Variants in SNU13 observed in about 807,000 individuals in gnomAD.
SNU13 encodes the protein small nuclear ribonucleoprotein 13.
A neutral mutation model predicts 12.4 loss-of-function variants in SNU13; 2 were observed. The observed-to-expected ratio is 0.16, with a 90% CI of 0.07 to 0.51. The LOEUF (loss-of-function observed/expected upper bound fraction) is 0.51, where lower values mean the gene tolerates loss of function less well. Ranked by LOEUF, SNU13 falls within the 20% of genes least tolerant of loss-of-function variation. The pLI is 0.96. For missense variants in SNU13, 66 were observed against 157.8 expected, an observed-to-expected ratio of 0.42 and a Z score of 3.12; for synonymous variants, 68 against 66.5, an observed-to-expected ratio of 1.02 and a Z score of -0.11.
intron 2 of SNU13, among the ~76,000 whole-genome samples, chr22:41,678,186 A>G (rs2068231132): frequency 6.6e-6 from 1 of 151,940 alleles, no homozygotes; most frequent in Non-Finnish European, 1.5e-5. Flanking sequence ...CGTGTTAGCC[A>G]GGATGGTCTC....
chr22:41,676,354 G>A (rs532954834), intron 2 of SNU13, among the ~76,000 whole-genome samples: 32 of 152,014 alleles, frequency 2.1e-4, no homozygotes, highest in African/African-American at 7.2e-4. Flanking sequence ...TACTTGAGAA[G>A]GGCACACACT....
In SNU13 at chr22:41,674,719, A is replaced by G. The variant is rs2068195594; in HGVS notation, c.*214T>C. On this transcript the variant is annotated 3_prime_UTR_variant, in exon 3 of 3. Coordinates refer to ENST00000401959, the MANE Select transcript of SNU13 (RefSeq NM_001003796.2). ...ACACTTGTTCCAAAAAGGGAGGATA[A>G]AAGGATGAAGGATGGCAGAGGGAGG... 1.6e-6 allele frequency: 1 copy of G among 620,492 alleles called. No homozygotes were observed. The highest frequency in any genetic ancestry group is 2.7e-6 in the Non-Finnish European group (1 of 370,278). 38.4% of individuals were successfully genotyped at this position (620,492 alleles called of 1,614,324 possible).
At chr22:41,676,787 T>C (rs1272090585) in intron 2 of SNU13, among the ~76,000 whole-genome samples, 3 of 152,176 alleles carry the variant, frequency 2.0e-5, no homozygotes, top group Non-Finnish European at 4.4e-5. Flanking sequence ...TTGCTTTGCT[T>C]TTCCCCTTTC....
chr22:41,680,167 C>T, intron 2 of SNU13, 77 bp downstream of exon 2: 1 of 1,485,840 alleles, frequency 6.7e-7, no homozygotes, highest in African/African-American at 1.4e-5. Flanking sequence ...TCCTCCCAAA[C>T]TGGAAATCAG....
In SNU13 at chr22:41,688,776, G is replaced by T; in HGVS notation, c.3+18C>A. 6.3e-7 allele frequency: 1 copy of T among 1,598,776 alleles called. No individual in the cohort carries two copies. The highest frequency in any genetic ancestry group is 8.6e-7 in the Non-Finnish European group (1 of 1,168,652). On this transcript the variant is annotated intron_variant, in intron 1 of 2. Transcript: ENST00000401959. ...GAGTCTCCCGCTTCCCGGTCCCTCG[G>T]CCGGCGCACGCACTCACCATGGCTG...
chr22:41,688,703 G>A, intron 1 of SNU13, 91 bp downstream of exon 1: 1 of 1,492,438 alleles, frequency 6.7e-7, no homozygotes, highest in Non-Finnish European at 9.1e-7. Flanking sequence ...ATGAGACGGC[G>A]CAGGCTCTAA....
chr22:41,686,446 AG>A (rs2147141603), intron 1 of SNU13, among the ~76,000 whole-genome samples: 1 of 151,720 alleles, frequency 6.6e-6, no homozygotes, highest in South Asian at 2.1e-4. Flanking sequence ...CTGGGACTAC[AG>A]GCATGCACCA....
chr22:41,674,792 C>T lies in SNU13; in HGVS notation c.*141G>A. ...ACCCTGTAAAACAGAACAAAAACAA[C>T]ACAAAAATCCAGAAACCAGATTTAG... On this transcript the variant is annotated 3_prime_UTR_variant, in exon 3 of 3. Transcript: ENST00000401959. 1.7e-6 allele frequency: 2 copies of T among 1,201,944 alleles called. No individual in the cohort carries two copies. The highest frequency in any genetic ancestry group is 2.3e-6 in the Non-Finnish European group (2 of 869,350). The allele number at this position is 1,201,944 out of a possible 1,614,324, so 74.5% of individuals were successfully genotyped here.
chr22:41,685,168 A>AAG (rs1170956747), intron 1 of SNU13, among the ~76,000 whole-genome samples: 3 of 151,018 alleles, frequency 2.0e-5, no homozygotes, highest in Admixed American at 6.6e-5. Context: ...AAAAAAAAAA[A>AAG]AAAGAATTAC....
Position 41,674,120 on chromosome 22 carries a change from T to A in SNU13, c.*813A>T. On this transcript the variant is annotated 3_prime_UTR_variant, in exon 3 of 3. Transcript: ENST00000401959. ...CATTCACCAGAGACAGGCTGTTTCCTTGGACTCCACCATCTCTGTTACAGC... is the reference window on the plus strand; with the variant it reads ...CATTCACCAGAGACAGGCTGTTTCCATGGACTCCACCATCTCTGTTACAGC... 6.6e-6 allele frequency: 1 copy of A among 152,452 alleles called. No individual in the cohort carries two copies. The highest frequency in any genetic ancestry group is 1.5e-5 in the Non-Finnish European group (1 of 68,074). 9.4% of individuals were successfully genotyped at this position (152,452 alleles called of 1,614,324 possible).
chr22:41,688,962 C>A, upstream of SNU13: 1 of 1,357,338 alleles, frequency 7.4e-7, no homozygotes, highest in Non-Finnish European at 9.6e-7. Flanking sequence ...TCTACGGGGG[C>A]ACTGGCGCGG....
At chr22:41,675,447 G>C (rs1271268881) in intron 2 of SNU13, among the ~76,000 whole-genome samples, 1 of 151,482 alleles carries the variant, frequency 6.6e-6, no homozygotes, top group Non-Finnish European at 1.5e-5. Flanking sequence ...TTTTGAGATG[G>C]AGTCTTGCTC....
At chr22:41,682,227 C>T (rs994701846) in intron 1 of SNU13, 1 of 984,628 alleles carries the variant, frequency 1.0e-6, no homozygotes, top group Admixed American at 1.9e-5. Flanking sequence ...GGTCTCCTGC[C>T]CGACACCGCG....
chr22:41,675,250 C>A (rs1484567178), intron 2 of SNU13, 55 bp from the exon 3 acceptor site: 2 of 1,586,398 alleles, frequency 1.3e-6, no homozygotes, highest in Non-Finnish European at 1.7e-6. Context: ...GCAGGGCAGC[C>A]ACAACAAACT....
upstream of SNU13, chr22:41,688,932 C>G (rs2068336941): frequency 7.0e-7 from 1 of 1,424,846 alleles, no homozygotes. Flanking sequence ...TGACGCTACG[C>G]GAGCGAGTGG....
chr22:41,686,310 T>C (rs898220518), intron 1 of SNU13, among the ~76,000 whole-genome samples: 1 of 151,758 alleles, frequency 6.6e-6, no homozygotes, highest in African/African-American at 2.4e-5. Flanking sequence ...TTATCTTTTT[T>C]TTTTTTTTTT....
Position 41,674,815 on chromosome 22 carries a change from T to C in SNU13, c.*118A>G, listed in dbSNP as rs2068196404. The C allele has an allele frequency of 1.5e-6, 2 of 1,374,742 alleles. No homozygotes were observed. The allele number at this position is 1,374,742 out of a possible 1,614,324, so 85.2% of individuals were successfully genotyped here. On this transcript the variant is annotated 3_prime_UTR_variant, in exon 3 of 3. Transcript: ENST00000401959. ...AACACAAAAATCCAGAAACCAGATTTAGTACTACATTTTATAACAATAGAG... is the reference window on the plus strand; with the variant it reads ...AACACAAAAATCCAGAAACCAGATTCAGTACTACATTTTATAACAATAGAG...
At position 41,674,825 on chromosome 22, in the gene SNU13, T is replaced by C; in HGVS notation, c.*108A>G. On this transcript the variant is annotated 3_prime_UTR_variant, in exon 3 of 3. Transcript: ENST00000401959. ...TCCAGAAACCAGATTTAGTACTACA[T>C]TTTATAACAATAGAGAGTAGCTGAA... 1 of 1,441,540 alleles carries C rather than the reference T, an allele frequency of 6.9e-7. No homozygotes were observed. 89.3% of individuals were successfully genotyped at this position (1,441,540 alleles called of 1,614,324 possible).
Position 41,688,842 on chromosome 22 carries a change from C to T in SNU13, c.-46G>A. ...AGCACTCCTAGGGGAGCGCAGCTGA[C>T]GTTTCAGAAGCACTCGCGTGCACCG... is the stretch of plus-strand genomic sequence containing the variant. On this transcript the variant is annotated 5_prime_UTR_variant, in exon 1 of 3. Coordinates refer to ENST00000401959, the MANE Select transcript of SNU13 (RefSeq NM_001003796.2). 4 of 1,564,502 alleles carry T rather than the reference C, an allele frequency of 2.6e-6. No individual in the cohort carries two copies. Among genetic ancestry groups the T allele is most frequent in the Non-Finnish European group, 3.5e-6 (4 of 1,146,128 alleles).
Sources: gnomAD v4.1 joint callset for allele counts (sites outside exome capture counted in the v4.1 genomes callset) on GRCh38, gnomAD v4.1.1 for gene constraint, MANE v1.5 for transcripts, NCBI Gene and HGNC (gene_info 2026-07-23, HGNC 2026-07-21) for gene names.